The following RETREG1 variants were observed in gnomAD, a reference collection of about 807,000 sequenced individuals.
The protein encoded by RETREG1 is family with sequence similarity 134 member B.
Under a neutral mutation model 54.8 loss-of-function variants are expected in RETREG1, and 44 were observed. The ratio of observed to expected loss-of-function variants is 0.80; its 90% CI spans 0.63 to 1.03. RETREG1 has a LOEUF of 1.03. Among genes scored for constraint, RETREG1 ranks in the 50% least tolerant of loss-of-function variants. The pLI is 0.00. For missense variants in RETREG1, 554 were observed against 605.1 expected, an observed-to-expected ratio of 0.92 and a Z score of 0.89; for synonymous variants, 217 against 238.5, an observed-to-expected ratio of 0.91 and a Z score of 0.83.
intron 1 of RETREG1, among the ~76,000 whole-genome samples, chr5:16,614,154 G>A (rs1017242392): frequency 2.0e-5 from 3 of 152,078 alleles, no homozygotes; most frequent in Non-Finnish European, 2.9e-5. Context: ...TAAAATGGAT[G>A]GAAGAAAACA....
intron 3 of RETREG1, among the ~76,000 whole-genome samples, chr5:16,560,672 A>T (rs1741829848): frequency 6.6e-6 from 1 of 151,838 alleles, no homozygotes; most frequent in African/African-American, 2.4e-5. Flanking sequence ...AGGTGAAAAA[A>T]CCCTAATCCC....
At chr5:16,492,865 T>C (rs1739304331) in intron 3 of RETREG1, among the ~76,000 whole-genome samples, 1 of 152,188 alleles carries the variant, frequency 6.6e-6, no homozygotes, top group African/African-American at 2.4e-5. Context: ...CAAATAAGAT[T>C]TGTCAACTAG....
intron 3 of RETREG1, among the ~76,000 whole-genome samples, chr5:16,484,026 A>C (rs1162636671): frequency 1.1e-4 from 16 of 152,150 alleles, no homozygotes; most frequent in Admixed American, 1.0e-3. Flanking sequence ...TACAATATTA[A>C]GAATAAATAC....
intron 1 of RETREG1, among the ~76,000 whole-genome samples, chr5:16,605,005 T>C (rs1261449044): frequency 6.6e-6 from 1 of 152,128 alleles, no homozygotes; most frequent in Non-Finnish European, 1.5e-5. Context: ...TACTACTCCA[T>C]TATATATGCA....
intron 3 of RETREG1, among the ~76,000 whole-genome samples, chr5:16,541,748 G>A (rs1380926275): frequency 2.8e-5 from 2 of 71,550 alleles, no homozygotes; most frequent in Non-Finnish European, 5.4e-5. Context: ...AGGGAAGGAA[G>A]GAAGGAAGGA....
chr5:16,602,537 G>A (rs779126211), intron 1 of RETREG1, among the ~76,000 whole-genome samples: 4 of 152,152 alleles, frequency 2.6e-5, no homozygotes, highest in Non-Finnish European at 4.4e-5. Context: ...GAAAGGAAAC[G>A]TAAACATGAC....
intron 1 of RETREG1, among the ~76,000 whole-genome samples, chr5:16,615,520 A>G (rs1443375386): frequency 4.6e-5 from 7 of 152,220 alleles, no homozygotes; most frequent in Non-Finnish European, 1.0e-4. Flanking sequence ...CTAGCATAAG[A>G]CAATATGTCC....
At chr5:16,522,790 A>G (rs1286885885) in intron 3 of RETREG1, among the ~76,000 whole-genome samples, 1 of 152,132 alleles carries the variant, frequency 6.6e-6, no homozygotes, top group Non-Finnish European at 1.5e-5. Context: ...GGATCGCTTG[A>G]GCCCAGAAGT....
At chr5:16,552,782 T>C (rs1331683324) in intron 3 of RETREG1, among the ~76,000 whole-genome samples, 1 of 152,246 alleles carries the variant, frequency 6.6e-6, no homozygotes. Context: ...GACTTTCTTC[T>C]TGTAACTAGA....
chr5:16,486,746 C>T (rs116791268), intron 3 of RETREG1, among the ~76,000 whole-genome samples: 2,803 of 152,280 alleles, frequency 0.018, 28 homozygotes, highest in Non-Finnish European at 0.026. Context: ...CTCACTCCTT[C>T]CTAGAACCAG....
At chr5:16,580,278 G>A (rs1417718988) in intron 1 of RETREG1, among the ~76,000 whole-genome samples, 1 of 152,152 alleles carries the variant, frequency 6.6e-6, no homozygotes, top group Non-Finnish European at 1.5e-5. Flanking sequence ...TTAGCAGAGT[G>A]ACCTAGATTA....
At chr5:16,537,103 G>A (rs958981565) in intron 3 of RETREG1, among the ~76,000 whole-genome samples, 11 of 152,180 alleles carry the variant, frequency 7.2e-5, no homozygotes, top group Admixed American at 1.3e-4. Flanking sequence ...TCAGCTATGC[G>A]ATCAAAGAGC....
intron 3 of RETREG1, among the ~76,000 whole-genome samples, chr5:16,516,237 A>G (rs1740351892): frequency 6.6e-6 from 1 of 152,214 alleles, no homozygotes; most frequent in Non-Finnish European, 1.5e-5. Flanking sequence ...TTGAAACTAT[A>G]AAAGACCCCT....
intron 3 of RETREG1, among the ~76,000 whole-genome samples, chr5:16,546,294 A>G (rs1579670904): frequency 1.3e-5 from 2 of 152,230 alleles, no homozygotes; most frequent in South Asian, 4.2e-4. Context: ...CAGCCTCCCA[A>G]GCAGCTGGAA....
At chr5:16,563,572 T>C (rs975362619) in intron 3 of RETREG1, among the ~76,000 whole-genome samples, 2 of 152,188 alleles carry the variant, frequency 1.3e-5, no homozygotes, top group African/African-American at 4.8e-5. Flanking sequence ...TAAATGTCTT[T>C]AACAAACATG....
chr5:16,574,433 G>C (rs772780342), intron 1 of RETREG1, among the ~76,000 whole-genome samples: 3 of 152,198 alleles, frequency 2.0e-5, no homozygotes, highest in Non-Finnish European at 4.4e-5. Flanking sequence ...AGGAAGCATG[G>C]AGTCCAGACC....
chr5:16,474,696 A>ATTTTTTTTGTGTTTTTTTTG lies in RETREG1; in HGVS notation c.*44_*45insCAAAAAAAACACAAAAAAAA. ...TTTTTTTTTTTTTTTCTTGTTTGAA[A>ATTTTTTTTGTGTTTTTTTTG]TTTTTTTGGTGTTTTTTGTGCTCTG... On this transcript the variant is annotated 3_prime_UTR_variant, in exon 9 of 9. Transcript: ENST00000306320. The ATTTTTTTTGTGTTTTTTTTG allele has an allele frequency of 6.6e-7, 1 of 1,521,920 alleles. No homozygotes were observed. The highest frequency in any genetic ancestry group is 8.7e-7 in the Non-Finnish European group (1 of 1,143,330). The allele number at this position is 1,521,920 out of a possible 1,614,324, so 94.3% of individuals were successfully genotyped here. A position where few individuals can be genotyped will look rare whatever the true frequency, so the allele number is the denominator to read the frequency against.
chr5:16,602,040 T>C (rs1743068977), intron 1 of RETREG1, among the ~76,000 whole-genome samples: 1 of 152,164 alleles, frequency 6.6e-6, no homozygotes, highest in South Asian at 2.1e-4. Context: ...AAGAGCGGGA[T>C]AAAGATGTTT....
At chr5:16,605,652 G>A (rs1230213612) in intron 1 of RETREG1, among the ~76,000 whole-genome samples, 1 of 152,214 alleles carries the variant, frequency 6.6e-6, no homozygotes, top group Non-Finnish European at 1.5e-5. Flanking sequence ...ATATTAACTA[G>A]GTGGCTTATG....
Sources: gnomAD v4.1 joint callset for allele counts (sites outside exome capture counted in the v4.1 genomes callset) on GRCh38, gnomAD v4.1.1 for gene constraint, MANE v1.5 for transcripts, NCBI Gene and HGNC (gene_info 2026-07-23, HGNC 2026-07-21) for gene names.